Variants in SMIM12 observed in about 807,000 individuals in gnomAD.
SMIM12 encodes the protein small integral membrane protein 12, also known as UPF0767 protein C1orf212.
In SMIM12, 5 loss-of-function variants were observed where a neutral mutation model predicts 6.3. The ratio of observed to expected loss-of-function variants is 0.80; its 90% confidence interval spans 0.42 to 1.68. SMIM12 has a LOEUF of 1.68. Among genes scored for constraint, SMIM12 ranks in the 40% most tolerant of loss-of-function variants. The pLI, the probability that SMIM12 is intolerant of heterozygous loss-of-function variation, is 0.02. For synonymous variants in SMIM12, 51 were observed against 48.0 expected (o/e 1.06, Z -0.26); for missense variants, 103 against 121.4 (o/e 0.85, Z 0.71).
chr1:34,855,867 T>C lies in SMIM12; in HGVS notation c.111A>G (p.Gly37=). The C allele has an allele frequency of 6.4e-7, 1 of 1,551,554 alleles. No homozygotes were observed. The highest frequency in any genetic ancestry group is 1.2e-5 in the South Asian group (1 of 84,050). Reference sequence around the variant, plus strand: ...CCTCCTCCACGGGCTGGGGGTCCTTTCCCCTGATGAACCATTCCAGGTGGT... The same window carrying C: ...CCTCCTCCACGGGCTGGGGGTCCTTCCCCCTGATGAACCATTCCAGGTGGT... ...VGYHLEWFIR[G]KDPQPVEEEK... is the part of the protein sequence containing the mutation. Residue 37 remains glycine, a synonymous_variant, in exon 2 of 2, where the codon GGA becomes GGG. Coordinates refer to ENST00000521580, the MANE Select transcript of SMIM12 (RefSeq NM_138428.6).
rs951919466 is a variant in SMIM12, at chr1:34,852,139, C to A, written c.*3560G>T. 8.2e-6 allele frequency among the ~76,000 whole-genome samples: 1 copy of A among 122,254 alleles called. No individual in the cohort carries two copies. The highest frequency in any genetic ancestry group is 1.8e-5 in the Non-Finnish European group (1 of 57,122). The allele number at this position is 122,254 out of a possible 152,430, so 80.2% of individuals were successfully genotyped here. Reference sequence around the variant, plus strand: ...ACTTGCTAGAGGAAGAATTCAGTGACAAAGTGCCCTTGGAAAGGAAAGAAA... The same window carrying A: ...ACTTGCTAGAGGAAGAATTCAGTGAAAAAGTGCCCTTGGAAAGGAAAGAAA... On this transcript the variant is annotated 3_prime_UTR_variant, in exon 2 of 2. Transcript: ENST00000521580.
chr1:34,851,837 A>G lies in SMIM12; in HGVS notation c.*3862T>C, dbSNP rs150153424. ...GCGGGGAGCAAAAAGCCCCAAGCAC[A>G]TCCACTCACTCATGTGTTTCAGTGA... On this transcript the variant is annotated 3_prime_UTR_variant, in exon 2 of 2. Transcript: ENST00000521580. Among the ~76,000 whole-genome samples the G allele has an allele frequency of 7.5e-3, 1,136 of 152,292 alleles. 11 individuals carry two copies. Among genetic ancestry groups the G allele is most frequent in the Admixed American group, 0.013 (196 of 15,288 alleles).
rs1230015858 is a variant in SMIM12 at position 34,854,124 on chromosome 1, T to C, written c.*1575A>G. 6.6e-6 allele frequency: 1 copy of C among 151,256 alleles called. No individual in the cohort carries two copies. Among genetic ancestry groups the C allele is most frequent in the East Asian group, 2.0e-4 (1 of 5,086 alleles). The allele number at this position is 151,256 out of a possible 1,614,324, so 9.4% of individuals were successfully genotyped here. A position where few individuals can be genotyped will look rare whatever the true frequency, so the allele number is the denominator to read the frequency against. Reference sequence around the variant, plus strand: ...GAGTTCGAGACCAGCCTGGCCAAGATGGTGAAACCCCTGTCTTTACTAAAA... The same window carrying C: ...GAGTTCGAGACCAGCCTGGCCAAGACGGTGAAACCCCTGTCTTTACTAAAA... On this transcript the variant is annotated 3_prime_UTR_variant, in exon 2 of 2. Coordinates refer to ENST00000521580, the MANE Select transcript of SMIM12 (RefSeq NM_138428.6).
In SMIM12 at chr1:34,854,128, G is replaced by A. The variant is rs1347398328; in HGVS notation, c.*1571C>T. 3 of 151,326 alleles carry A rather than the reference G, an allele frequency of 2.0e-5. No homozygotes were observed. The highest frequency in any genetic ancestry group is 7.3e-5 in the African/African-American group (3 of 41,086). The allele number at this position is 151,326 out of a possible 1,614,324, so 9.4% of individuals were successfully genotyped here. ...TCGAGACCAGCCTGGCCAAGATGGT[G>A]AAACCCCTGTCTTTACTAAAAACAC... On this transcript the variant is annotated 3_prime_UTR_variant, in exon 2 of 2. Transcript: ENST00000521580.
Position 34,855,173 on chromosome 1 carries a change from T to C in SMIM12, c.*526A>G. 4 of 1,367,464 alleles carry C rather than the reference T, an allele frequency of 2.9e-6. No homozygotes were observed. Among genetic ancestry groups the C allele is most frequent in the Non-Finnish European group, 3.9e-6 (4 of 1,021,848 alleles). The allele number at this position is 1,367,464 out of a possible 1,614,324, so 84.7% of individuals were successfully genotyped here. The stretch of plus-strand genomic sequence containing the variant: ...CTGCCCCAAAGTGAACAGTCTGGGC[T>C]TCCCAGAACAGAAAAGTGCTTTCCT... On this transcript the variant is annotated 3_prime_UTR_variant, in exon 2 of 2. Transcript: ENST00000521580.
rs998927546 is a variant in SMIM12 at position 34,854,826 on chromosome 1, C to T, written c.*873G>A. The stretch of plus-strand genomic sequence containing the variant: ...CTATGTGTGTGTATGTGAGGTCTAC[C>T]TCCATTTAGACTTGAAGGTGCTGCA... On this transcript the variant is annotated 3_prime_UTR_variant, in exon 2 of 2. Coordinates refer to ENST00000521580, the MANE Select transcript of SMIM12 (RefSeq NM_138428.6). 4 of 200,700 alleles carry T rather than the reference C, an allele frequency of 2.0e-5. No individual in the cohort carries two copies. The highest frequency in any genetic ancestry group is 4.7e-5 in the African/African-American group (2 of 42,416). The allele number at this position is 200,700 out of a possible 1,614,324, so 12.4% of individuals were successfully genotyped here. A position where few individuals can be genotyped will look rare whatever the true frequency, so the allele number is the denominator to read the frequency against.
Position 34,855,207 on chromosome 1 carries a change from G to C in SMIM12, c.*492C>G, listed in dbSNP as rs1159709239. ...CAGAAAAGTGCTTTCCTTCCTGGGG[G>C]AATCCCATTCCTGAGCTGACAAGAC... On this transcript the variant is annotated 3_prime_UTR_variant, in exon 2 of 2. Coordinates refer to ENST00000521580, the MANE Select transcript of SMIM12 (RefSeq NM_138428.6). 1 of 1,368,514 alleles carries C rather than the reference G, an allele frequency of 7.3e-7. No homozygotes were observed. The highest frequency in any genetic ancestry group is 9.8e-7 in the Non-Finnish European group (1 of 1,022,460). 84.8% of individuals were successfully genotyped at this position (1,368,514 alleles called of 1,614,324 possible).
Position 34,852,021 on chromosome 1 carries a change from G to A in SMIM12, c.*3678C>T, listed in dbSNP as rs1316446537. ...CTTGCTATCTAATGTCACCCGAGCA[G>A]AGGCAAGAGCACATATACTATCTTA... On this transcript the variant is annotated 3_prime_UTR_variant, in exon 2 of 2. Transcript: ENST00000521580. 2.0e-5 allele frequency among the ~76,000 whole-genome samples: 3 copies of A among 152,348 alleles called. No individual in the cohort carries two copies. The highest frequency in any genetic ancestry group is 4.4e-5 in the Non-Finnish European group (3 of 68,042).
chr1:34,856,916 T>G (rs1390854248), intron 1 of SMIM12, among the ~76,000 whole-genome samples: 1 of 152,034 alleles, frequency 6.6e-6, no homozygotes, highest in Non-Finnish European at 1.5e-5. Flanking sequence ...CAAAATATCC[T>G]ATCTTGGCTA....
At position 34,851,807 on chromosome 1, in the gene SMIM12, G is replaced by C. The variant is rs956330716; in HGVS notation, c.*3892C>G. ...CATCATTGGGCTGGGAAGAGACGGG[G>C]GTAAGCGGGGAGCAAAAAGCCCCAA... On this transcript the variant is annotated 3_prime_UTR_variant, in exon 2 of 2. Coordinates refer to ENST00000521580, the MANE Select transcript of SMIM12 (RefSeq NM_138428.6). Among the ~76,000 whole-genome samples, 1 of 152,172 alleles carries C rather than the reference G, an allele frequency of 6.6e-6. No homozygotes were observed. The highest frequency in any genetic ancestry group is 1.5e-5 in the Non-Finnish European group (1 of 68,028).
Position 34,851,074 on chromosome 1 carries a change from A to T in SMIM12, c.*4625T>A, listed in dbSNP as rs1370626922. 6.6e-6 allele frequency: 1 copy of T among 152,184 alleles called. No homozygotes were observed. The highest frequency in any genetic ancestry group is 1.5e-5 in the Non-Finnish European group (1 of 68,028). The allele number at this position is 152,184 out of a possible 1,614,324, so 9.4% of individuals were successfully genotyped here. On this transcript the variant is annotated 3_prime_UTR_variant, in exon 2 of 2. Transcript: ENST00000521580. ...CACCAGGGTCACAAGGATACACACA[A>T]CTATTGCAGGAAACATAGGTTCTTC...
chr1:34,857,109 A>G (rs1218823709), intron 1 of SMIM12: 2 of 150,626 alleles, frequency 1.3e-5, no homozygotes, highest in African/African-American at 4.8e-5. Context: ...AAAAAAAAAA[A>G]TCCTATCTTC....
In SMIM12 at chr1:34,856,030, ACCAAATAAGAGCAAC is replaced by A. The variant is rs538364687; in HGVS notation, c.-5-63_-5-49del. ...ATTAGAGAACCCAGCATCATCTCCC[ACCAAATAAGAGCAAC>A]CCACTAGAGCTCTCCACTTACCAGG... On this transcript the variant is annotated intron_variant, in intron 1 of 1. Transcript: ENST00000521580. The A allele has an allele frequency of 1.5e-5, 22 of 1,491,142 alleles. No individual in the cohort carries two copies. In the African/African-American group the frequency reaches 2.2e-4, roughly 15 times the overall value. The allele number at this position is 1,491,142 out of a possible 1,614,324, so 92.4% of individuals were successfully genotyped here.
Position 34,851,323 on chromosome 1 carries a change from G to GACTT in SMIM12, c.*4372_*4375dup, listed in dbSNP as rs1268371827. Reference sequence around the variant, plus strand: ...ATATTGAGGTTCAGAAGGGCTAAGTGACTTGCCCAAGGTCATCCAGTTAAT... The same window carrying GACTT: ...ATATTGAGGTTCAGAAGGGCTAAGTGACTTACTTGCCCAAGGTCATCCAGTTAAT... On this transcript the variant is annotated 3_prime_UTR_variant, in exon 2 of 2. Transcript: ENST00000521580. 2.6e-5 allele frequency: 4 copies of GACTT among 152,312 alleles called. No individual in the cohort carries two copies. Among genetic ancestry groups the GACTT allele is most frequent in the African/African-American group, 9.6e-5 (4 of 41,564 alleles). The allele number at this position is 152,312 out of a possible 1,614,324, so 9.4% of individuals were successfully genotyped here.
chr1:34,855,207 G>A lies in SMIM12; in HGVS notation c.*492C>T, dbSNP rs1159709239. The stretch of plus-strand genomic sequence containing the variant: ...CAGAAAAGTGCTTTCCTTCCTGGGG[G>A]AATCCCATTCCTGAGCTGACAAGAC... On this transcript the variant is annotated 3_prime_UTR_variant, in exon 2 of 2. Transcript: ENST00000521580. 1.5e-6 allele frequency: 2 copies of A among 1,368,514 alleles called. No individual in the cohort carries two copies. The highest frequency in any genetic ancestry group is 1.9e-5 in the Admixed American group (1 of 52,602). The allele number at this position is 1,368,514 out of a possible 1,614,324, so 84.8% of individuals were successfully genotyped here. A position where few individuals can be genotyped will look rare whatever the true frequency, so the allele number is the denominator to read the frequency against.
In SMIM12 at chr1:34,855,467, T is replaced by C. The variant is rs1638614774; in HGVS notation, c.*232A>G. ...CAGTGCACCAGTAAACTCAGATGCC[T>C]GAGTGCTTGTGGCCACCACACAACA... is the stretch of plus-strand genomic sequence containing the variant. On this transcript the variant is annotated 3_prime_UTR_variant, in exon 2 of 2. Transcript: ENST00000521580. The C allele has an allele frequency of 6.3e-7, 1 of 1,594,960 alleles. No homozygotes were observed. Among genetic ancestry groups the C allele is most frequent in the Non-Finnish European group, 8.6e-7 (1 of 1,168,096 alleles).
Position 34,854,945 on chromosome 1 carries a change from G to A in SMIM12, c.*754C>T, listed in dbSNP as rs1638590883. 12 of 743,278 alleles carry A rather than the reference G, an allele frequency of 1.6e-5. No individual in the cohort carries two copies. Among genetic ancestry groups the A allele is most frequent in the East Asian group, 6.5e-5 (1 of 15,352 alleles). The allele number at this position is 743,278 out of a possible 1,614,324, so 46.0% of individuals were successfully genotyped here. A position where few individuals can be genotyped will look rare whatever the true frequency, so the allele number is the denominator to read the frequency against. On this transcript the variant is annotated 3_prime_UTR_variant, in exon 2 of 2. Transcript: ENST00000521580. The stretch of plus-strand genomic sequence containing the variant: ...GTAAAGCAGTTTCCAGGGCTCCTTG[G>A]CACCCTTTAATACCAATGTTATCCT...
In SMIM12 at chr1:34,854,959, C is replaced by A. The variant is rs999726102; in HGVS notation, c.*740G>T. 20 of 898,248 alleles carry A rather than the reference C, an allele frequency of 2.2e-5. No individual in the cohort carries two copies. Among genetic ancestry groups the A allele is most frequent in the Non-Finnish European group, 3.0e-5 (20 of 667,534 alleles). 55.6% of individuals were successfully genotyped at this position (898,248 alleles called of 1,614,324 possible). Reference sequence around the variant, plus strand: ...AGGGCTCCTTGGCACCCTTTAATACCAATGTTATCCTGCTCTAAAATGCCT... The same window carrying A: ...AGGGCTCCTTGGCACCCTTTAATACAAATGTTATCCTGCTCTAAAATGCCT... On this transcript the variant is annotated 3_prime_UTR_variant, in exon 2 of 2. Coordinates refer to ENST00000521580, the MANE Select transcript of SMIM12 (RefSeq NM_138428.6).
rs1336794465 is a variant in SMIM12, at chr1:34,855,091, A to G, written c.*608T>C. 7.6e-7 allele frequency: 1 copy of G among 1,310,532 alleles called. No individual in the cohort carries two copies. The highest frequency in any genetic ancestry group is 1.3e-5 in the South Asian group (1 of 77,468). 81.2% of individuals were successfully genotyped at this position (1,310,532 alleles called of 1,614,324 possible). On this transcript the variant is annotated 3_prime_UTR_variant, in exon 2 of 2. Coordinates refer to ENST00000521580, the MANE Select transcript of SMIM12 (RefSeq NM_138428.6). ...TAATCAGGTTTTTCACTATACAGTG[A>G]TGGGGGTAGAAGATGGTGACTGTTT... is the stretch of plus-strand genomic sequence containing the variant.
Sources: allele counts gnomAD v4.1 joint callset (sites outside exome capture counted in the v4.1 genomes callset), GRCh38; gene constraint gnomAD v4.1.1; transcripts MANE v1.5; gene names NCBI Gene and HGNC (gene_info 2026-07-23, HGNC 2026-07-21).